Variants in ITGB5 observed in about 807,000 individuals in gnomAD.
ITGB5 encodes the protein integrin subunit beta 5, also known as integrin beta-5.
In ITGB5, 38 loss-of-function variants were observed where a neutral mutation model predicts 84.8. That is an observed-to-expected ratio of 0.45 (90% CI 0.35 to 0.59). The LOEUF (loss-of-function observed/expected upper bound fraction) is 0.59, where lower values mean the gene tolerates loss of function less well. Among genes scored for constraint, ITGB5 ranks in the 20% least tolerant of loss-of-function variants. The pLI, the probability that ITGB5 is intolerant of heterozygous loss-of-function variation, is 0.01. For missense variants in ITGB5, 905 were observed against 1,034.5 expected, an observed-to-expected ratio of 0.87 and a Z score of 1.72; for synonymous variants, 393 against 414.4, an observed-to-expected ratio of 0.95 and a Z score of 0.63.
intron 10 of ITGB5, among the ~76,000 whole-genome samples, chr3:124,784,369 G>C (rs1458463196): frequency 6.6e-6 from 1 of 152,204 alleles, no homozygotes; most frequent in East Asian, 1.9e-4. Context: ...GCCAGGCATG[G>C]TGGCACATGC....
intron 5 of ITGB5, among the ~76,000 whole-genome samples, chr3:124,835,750 T>C (rs2064926161): frequency 6.6e-6 from 1 of 152,072 alleles, no homozygotes; most frequent in East Asian, 1.9e-4. Flanking sequence ...GTGACACAAG[T>C]CTGAGGTCTA....
chr3:124,797,765 A>AC (rs1278951970), intron 9 of ITGB5, among the ~76,000 whole-genome samples: 1 of 152,064 alleles, frequency 6.6e-6, no homozygotes, highest in Non-Finnish European at 1.5e-5. Context: ...GGTCTGAATC[A>AC]CCCATCAGGG....
chr3:124,805,604 A>G (rs564504247), intron 9 of ITGB5, among the ~76,000 whole-genome samples: 217 of 152,220 alleles, frequency 1.4e-3, no homozygotes, highest in African/African-American at 5.0e-3. Flanking sequence ...GGTGTGCGCT[A>G]CCATGCCCGG....
chr3:124,897,223 C>T (rs934707832), intron 1 of ITGB5, among the ~76,000 whole-genome samples: 7 of 152,158 alleles, frequency 4.6e-5, no homozygotes, highest in African/African-American at 1.7e-4. Flanking sequence ...AGAATGTTTT[C>T]CTCCATGTCC....
chr3:124,829,372 G>A (rs1250241379), intron 5 of ITGB5, among the ~76,000 whole-genome samples: 1 of 152,250 alleles, frequency 6.6e-6, no homozygotes, highest in Non-Finnish European at 1.5e-5. Context: ...GGGCGGAAAC[G>A]CACTGGACGC....
At chr3:124,882,061 G>T (rs1394968452) in intron 1 of ITGB5, among the ~76,000 whole-genome samples, 2 of 152,192 alleles carry the variant, frequency 1.3e-5, no homozygotes, top group East Asian at 1.9e-4. Flanking sequence ...TTCAAAGCTA[G>T]CTGTGGAAGG....
intron 5 of ITGB5, among the ~76,000 whole-genome samples, chr3:124,836,496 GC>G: frequency 6.6e-6 from 1 of 152,100 alleles, no homozygotes; most frequent in East Asian, 1.9e-4. Context: ...TAAATGCAGT[GC>G]CCCTTACTCA....
chr3:124,783,468 A>G (rs970690382), intron 10 of ITGB5, among the ~76,000 whole-genome samples: 1 of 152,114 alleles, frequency 6.6e-6, no homozygotes, highest in African/African-American at 2.4e-5. Context: ...ACACGCAATC[A>G]AAGCCTCTGT....
intron 3 of ITGB5, among the ~76,000 whole-genome samples, chr3:124,852,029 T>G (rs752331846): frequency 6.6e-6 from 1 of 152,184 alleles, no homozygotes; most frequent in East Asian, 1.9e-4. Flanking sequence ...TTGGGTACAC[T>G]TCCAGAACCA....
Position 124,830,003 on chromosome 3 carries a change from G to T in ITGB5, c.781-8529C>A, listed in dbSNP as rs181456415. 1.3e-3 allele frequency among the ~76,000 whole-genome samples: 203 copies of T among 152,282 alleles called. 1 individual carries two copies. Among genetic ancestry groups the T allele is most frequent in the South Asian group, 2.5e-3 (12 of 4,820 alleles). On this transcript the variant is annotated intron_variant, in intron 5 of 14. Transcript: ENST00000296181. The stretch of plus-strand genomic sequence containing the variant: ...AGTCACTGAGAAAATTAACAAAAAT[G>T]GACTCCTCCCAGGAGTGAAGACAGA...
chr3:124,789,405 G>A (rs1340385662), intron 10 of ITGB5, among the ~76,000 whole-genome samples: 1 of 150,984 alleles, frequency 6.6e-6, no homozygotes, highest in African/African-American at 2.4e-5. Context: ...GACTAGACAG[G>A]GTTATCAGAA....
chr3:124,766,685 TAAAG>T (rs942815330), intron 12 of ITGB5, among the ~76,000 whole-genome samples: 9 of 151,936 alleles, frequency 5.9e-5, no homozygotes, highest in East Asian at 1.9e-4. Context: ...ATTAAAGGGA[TAAAG>T]AAAGAAAGAA....
At chr3:124,884,023 C>G (rs1160887418) in intron 1 of ITGB5, among the ~76,000 whole-genome samples, 2 of 152,080 alleles carry the variant, frequency 1.3e-5, no homozygotes. Flanking sequence ...GGGGTTAGAG[C>G]AACAGAGAGA....
intron 1 of ITGB5, among the ~76,000 whole-genome samples, chr3:124,874,949 T>C (rs1219611619): frequency 1.3e-5 from 2 of 152,124 alleles, no homozygotes; most frequent in African/African-American, 4.8e-5. Context: ...GACTAGGCAA[T>C]GACTTTTTGA....
chr3:124,777,977 G>T (rs2063948787), intron 10 of ITGB5, among the ~76,000 whole-genome samples: 2 of 152,140 alleles, frequency 1.3e-5, no homozygotes, highest in African/African-American at 4.8e-5. Flanking sequence ...GCGTCATTTG[G>T]CCCTGTCCCA....
intron 2 of ITGB5, among the ~76,000 whole-genome samples, chr3:124,865,769 T>C (rs2065380456): frequency 6.6e-6 from 1 of 152,016 alleles, no homozygotes; most frequent in Non-Finnish European, 1.5e-5. Context: ...ATTATAGGCG[T>C]GAGCCACCAT....
rs768662813 is a variant in ITGB5, at chr3:124,763,664, A to G, written c.2359T>C (p.Phe787Leu). 2.5e-6 allele frequency: 4 copies of G among 1,603,942 alleles called. No individual in the cohort carries two copies. In the South Asian group the frequency reaches 4.4e-5, roughly 18 times the overall value. Residue 787 changes from phenylalanine (F) to leucine (L), a missense_variant, in exon 15 of 15, where the codon TTC (phenylalanine) becomes CTC (leucine). Around this residue, in one of 3 missense-constraint regions of ITGB5, gnomAD observed 133 missense variants for 122.8 expected, o/e 1.08. Transcript: ENST00000296181. The part of the protein sequence containing the change: ...PISTHTVDFT[F>L]NKFNKSYNGT... The stretch of plus-strand genomic sequence containing the variant: ...TTGTAGGATTTGTTGAACTTGTTGA[A>G]GGTGAAGTCCACAGTGTGCGTGGAG...
intron 2 of ITGB5, among the ~76,000 whole-genome samples, chr3:124,861,760 C>T (rs923308235): frequency 5.9e-5 from 9 of 152,138 alleles, no homozygotes; most frequent in African/African-American, 1.9e-4. Context: ...CGGGCTTTCA[C>T]CATGTTGGCC....
At chr3:124,810,103 G>C (rs1275641911) in intron 8 of ITGB5, among the ~76,000 whole-genome samples, 7 of 152,186 alleles carry the variant, frequency 4.6e-5, no homozygotes, top group African/African-American at 1.4e-4. Flanking sequence ...CAGGTGCCTA[G>C]CAAGAGTAGA....
Sources: allele counts gnomAD v4.1 joint callset (sites outside exome capture counted in the v4.1 genomes callset), GRCh38; gene constraint gnomAD v4.1.1; regional missense constraint gnomAD v4.1.1; transcripts MANE v1.5; gene names NCBI Gene and HGNC (gene_info 2026-07-23, HGNC 2026-07-21).